Variants in HCN1 observed in about 807,000 individuals in gnomAD.
The protein encoded by HCN1 is potassium/sodium hyperpolarization-activated cyclic nucleotide-gated channel 1.
Under a neutral mutation model 78.9 loss-of-function variants are expected in HCN1, and 13 were observed. The observed-to-expected ratio is 0.16, with a 90% confidence interval of 0.11 to 0.26. HCN1 has a LOEUF of 0.26. Among genes scored for constraint, HCN1 ranks in the 10% least tolerant of loss-of-function variants. The probability of loss-of-function intolerance (pLI) is 1.00; values close to 1 mark genes in which losing one functional copy is unlikely to be tolerated. For synonymous variants in HCN1, 552 were observed against 455.5 expected (o/e 1.21, Z -2.70); for missense variants, 810 against 1,154.3 (o/e 0.70, Z 4.32).
intron 1 of HCN1, among the ~76,000 whole-genome samples, chr5:45,652,921 C>G (rs1371078196): frequency 6.6e-6 from 1 of 151,912 alleles, no homozygotes; most frequent in African/African-American, 2.4e-5. Flanking sequence ...TTGTCATCAT[C>G]CTGGATGAAG....
chr5:45,303,466 A>C, intron 6 of HCN1, 133 bp downstream of exon 6: 1 of 833,286 alleles, frequency 1.2e-6, no homozygotes, highest in Non-Finnish European at 2.0e-6. Context: ...ACTGTTATAG[A>C]CACTTTTATC....
intron 2 of HCN1, among the ~76,000 whole-genome samples, chr5:45,597,652 C>A (rs1304183282): frequency 6.6e-6 from 1 of 152,090 alleles, no homozygotes; most frequent in African/African-American, 2.4e-5. Context: ...GATGACATGA[C>A]CGTATATTTA....
In HCN1 at chr5:45,396,681, G is replaced by A. The variant is rs140235085; in HGVS notation, c.1041C>T (p.Tyr347=). The A allele has an allele frequency of 4.3e-4, 697 of 1,613,674 alleles. 1 individual carries two copies. In the East Asian group the frequency reaches 0.01, roughly 24 times the overall value. ...TGTGACTCATAGCTTTGAAGAGTGC[G>A]TATGAATACTGCTTTCCCCAAGAAT... is the stretch of plus-strand genomic sequence containing the variant. ...VNDSWGKQYS[Y]ALFKAMSHML... is the part of the protein sequence containing the mutation. Residue 347 remains tyrosine, a synonymous_variant, in exon 4 of 8, where the codon TAC becomes TAT. Transcript: ENST00000303230.
At chr5:45,474,263 C>T (rs1461747864) in intron 2 of HCN1, among the ~76,000 whole-genome samples, 3 of 151,878 alleles carry the variant, frequency 2.0e-5, no homozygotes, top group Non-Finnish European at 4.4e-5. Flanking sequence ...CACTCTACTT[C>T]CCTATTTCAT....
At chr5:45,647,520 G>A (rs10805696) in intron 1 of HCN1, among the ~76,000 whole-genome samples, 8,470 of 151,932 alleles carry the variant, frequency 0.056, 312 homozygotes, top group East Asian at 0.15. Context: ...TCTATTCTAC[G>A]CATTGCCCTT....
intron 6 of HCN1, among the ~76,000 whole-genome samples, chr5:45,300,496 T>A (rs1202779347): frequency 1.3e-5 from 2 of 152,118 alleles, no homozygotes; most frequent in Non-Finnish European, 2.9e-5. Flanking sequence ...ATATATTTTC[T>A]CTTCCTTATT....
At chr5:45,317,582 A>G (rs1746021318) in intron 5 of HCN1, among the ~76,000 whole-genome samples, 1 of 152,186 alleles carries the variant, frequency 6.6e-6, no homozygotes, top group Non-Finnish European at 1.5e-5. Flanking sequence ...ATTAAACTAA[A>G]GAGCTTCTGC....
At chr5:45,487,195 CA>C (rs911815383) in intron 2 of HCN1, among the ~76,000 whole-genome samples, 1 of 152,014 alleles carries the variant, frequency 6.6e-6, no homozygotes, top group African/African-American at 2.4e-5. Context: ...ACAGTCTATT[CA>C]ATAGTAATTT....
At chr5:45,388,575 C>T (rs1747975089) in intron 4 of HCN1, among the ~76,000 whole-genome samples, 3 of 152,078 alleles carry the variant, frequency 2.0e-5, no homozygotes, top group East Asian at 1.9e-4. Flanking sequence ...GAAGCAGAAA[C>T]TCAGGAAATG....
At chr5:45,489,059 C>A (rs1411344095) in intron 2 of HCN1, among the ~76,000 whole-genome samples, 1 of 152,116 alleles carries the variant, frequency 6.6e-6, no homozygotes. Flanking sequence ...ACAGGTAAGG[C>A]CTCAAGAAAT....
chr5:45,363,643 T>C (rs1747169528), intron 4 of HCN1, among the ~76,000 whole-genome samples: 1 of 151,976 alleles, frequency 6.6e-6, no homozygotes, highest in African/African-American at 2.4e-5. Flanking sequence ...AGAATTCCCA[T>C]ATGTTGTGGG....
At chr5:45,501,859 A>G (rs1450380402) in intron 2 of HCN1, among the ~76,000 whole-genome samples, 1 of 152,118 alleles carries the variant, frequency 6.6e-6, no homozygotes, top group African/African-American at 2.4e-5. Context: ...CCCCTCAACC[A>G]GATTTTAAAT....
At chr5:45,503,124 GAAT>G (rs752778624) in intron 2 of HCN1, among the ~76,000 whole-genome samples, 4 of 152,152 alleles carry the variant, frequency 2.6e-5, no homozygotes, top group Non-Finnish European at 5.9e-5. Context: ...AGGAGCACGT[GAAT>G]CAGAATATCA....
chr5:45,393,274 A>G (rs1184004101), intron 4 of HCN1, among the ~76,000 whole-genome samples: 1 of 152,182 alleles, frequency 6.6e-6, no homozygotes, highest in South Asian at 2.1e-4. Context: ...TGCTCATTGC[A>G]GAGGAAGAAG....
intron 2 of HCN1, among the ~76,000 whole-genome samples, chr5:45,522,796 G>A (rs984991265): frequency 2.0e-5 from 3 of 151,608 alleles, no homozygotes; most frequent in Admixed American, 6.6e-5. Flanking sequence ...GTTGAAACAC[G>A]CTCATGTCAT....
chr5:45,689,353 T>C (rs1739864971), intron 1 of HCN1, among the ~76,000 whole-genome samples: 2 of 152,192 alleles, frequency 1.3e-5, no homozygotes, highest in South Asian at 4.1e-4. Flanking sequence ...GTCTATTATG[T>C]GCATTTTTAC....
At chr5:45,456,747 T>C (rs1202806331) in intron 3 of HCN1, among the ~76,000 whole-genome samples, 1 of 152,070 alleles carries the variant, frequency 6.6e-6, no homozygotes, top group South Asian at 2.1e-4. Flanking sequence ...TGCCAGGTTT[T>C]GTAGATTGTG....
chr5:45,283,248 C>G (rs952736299), intron 6 of HCN1, among the ~76,000 whole-genome samples: 5 of 152,022 alleles, frequency 3.3e-5, no homozygotes, highest in African/African-American at 1.2e-4. Context: ...TATTTCATGA[C>G]AAAGATGCCA....
intron 3 of HCN1, among the ~76,000 whole-genome samples, chr5:45,415,418 C>G (rs1265691332): frequency 6.6e-6 from 1 of 151,922 alleles, no homozygotes; most frequent in Non-Finnish European, 1.5e-5. Context: ...TGATGTATCC[C>G]CTGCATCTCT....
Sources: gnomAD v4.1 joint callset for allele counts (sites outside exome capture counted in the v4.1 genomes callset) on GRCh38, gnomAD v4.1.1 for gene constraint, MANE v1.5 for transcripts, NCBI Gene and HGNC (gene_info 2026-07-23, HGNC 2026-07-21) for gene names.